The following MYLK3 variants were observed in gnomAD, a reference collection of about 807,000 sequenced individuals.
MYLK3 encodes myosin light chain kinase 3.
MYLK3 carries 55 observed loss-of-function variants against 76.3 expected under a neutral mutation model. That is an observed-to-expected ratio of 0.72 (90% CI 0.58 to 0.90). The LOEUF (loss-of-function observed/expected upper bound fraction) is 0.90, where lower values mean the gene tolerates loss of function less well. Among genes scored for constraint, MYLK3 ranks in the 40% least tolerant of loss-of-function variants. The pLI, the probability that MYLK3 is intolerant of heterozygous loss-of-function variation, is 0.00. For missense variants in MYLK3, 973 were observed against 1,053.6 expected, an observed-to-expected ratio of 0.92 and a Z score of 1.06; for synonymous variants, 416 against 425.4, an observed-to-expected ratio of 0.98 and a Z score of 0.27.
rs1966595934 is a variant in MYLK3, at chr16:46,703,447, C to T, written c.*4257G>A. The stretch of plus-strand genomic sequence containing the variant: ...TGGGAGAATGCCATTTTCCCCACAG[C>T]CTCACCAATTCTTCACCAATCTGAC... On this transcript the variant is annotated 3_prime_UTR_variant, in exon 13 of 13. Transcript: ENST00000394809. The T allele has an allele frequency of 6.6e-6, 1 of 152,176 alleles. No homozygotes were observed. Among genetic ancestry groups the T allele is most frequent in the Middle Eastern group, 3.2e-3 (1 of 316 alleles). 9.4% of individuals were successfully genotyped at this position (152,176 alleles called of 1,614,324 possible).
At chr16:46,722,685 C>A (rs1171135277) in intron 8 of MYLK3, among the ~76,000 whole-genome samples, 1 of 137,618 alleles carries the variant, frequency 7.3e-6, no homozygotes, top group Non-Finnish European at 1.5e-5. Flanking sequence ...ACAAATAATA[C>A]TGATTTTTAC....
intron 9 of MYLK3, among the ~76,000 whole-genome samples, chr16:46,716,497 A>ATGTG (rs869246629): frequency 0.025 from 544 of 21,634 alleles, 5 homozygotes; most frequent in African/African-American, 0.034. Flanking sequence ...GTGTATATAT[A>ATGTG]TGTGTGTGTG....
At chr16:46,730,917 A>G (rs888686705) in intron 4 of MYLK3, among the ~76,000 whole-genome samples, 1 of 152,256 alleles carries the variant, frequency 6.6e-6, no homozygotes. Flanking sequence ...CCCGGCACCC[A>G]GGACAGTGCC....
At chr16:46,726,718 AAAGAAAGAAAG>A (rs1435955355) in intron 8 of MYLK3, 11 of 148,876 alleles carry the variant, frequency 7.4e-5, no homozygotes, top group Admixed American at 6.7e-4. Context: ...AGAAAGAAAG[AAAGAAAGAAAG>A]AAAGAAAAGA....
At position 46,737,829 on chromosome 16, in the gene MYLK3, G is replaced by T. The variant is rs941919480; in HGVS notation, c.883C>A (p.Pro295Thr). The T allele has an allele frequency of 1.2e-6, 2 of 1,613,562 alleles. No individual in the cohort carries two copies. The highest frequency in any genetic ancestry group is 1.7e-6 in the Non-Finnish European group (2 of 1,180,026). ...GQGASSSRPD[P>T]EPLEEGTRLT... ...CTCGTGCCTTCCTCTAAGGGCTCAG[G>T]GTCAGGCCTGCTGGACGATGCTCCT... Residue 295 changes from proline to threonine, a missense_variant, in exon 3 of 13, where the codon CCT (proline) becomes ACT (threonine). By Grantham distance (38) the Pro-to-Thr change is conservative (BLOSUM62 -1). Around this residue, in one of 2 missense-constraint regions of MYLK3, gnomAD observed 641 missense variants for 637.0 expected, o/e 1.01. Coordinates refer to ENST00000394809, the MANE Select transcript of MYLK3 (RefSeq NM_182493.3).
At chr16:46,707,816 T>C in intron 12 of MYLK3, 53 bp from the exon 13 acceptor site, 2 of 1,358,538 alleles carry the variant, frequency 1.5e-6, no homozygotes, top group Admixed American at 1.8e-5. Context: ...TTTAGACCAG[T>C]TGCCTTATGA....
At chr16:46,748,395 C>T (rs992243951), upstream of MYLK3, 17 of 975,670 alleles carry the variant, frequency 1.7e-5, no homozygotes, top group Non-Finnish European at 2.3e-5. This position sits in a 1 kb window ranked among gnomAD's most constrained non-coding sequence, Gnocchi z 4.3. Flanking sequence ...TGCTTATCTC[C>T]CACCCTACAC....
intron 12 of MYLK3, among the ~76,000 whole-genome samples, chr16:46,708,219 T>A (rs1346830596): frequency 6.6e-6 from 1 of 152,142 alleles, no homozygotes; most frequent in Non-Finnish European, 1.5e-5. Flanking sequence ...TTACCCAGGT[T>A]TATCCTGCCC....
chr16:46,711,563 T>G, intron 10 of MYLK3: 1 of 342,762 alleles, frequency 2.9e-6, no homozygotes, highest in Non-Finnish European at 5.7e-6. Flanking sequence ...CAGGCTGGAG[T>G]GCTATGGTGC....
At position 46,747,971 on chromosome 16, in the gene MYLK3, G is replaced by C; in HGVS notation, c.223C>G (p.Pro75Ala). 6.2e-7 allele frequency: 1 copy of C among 1,613,242 alleles called. No homozygotes were observed. The highest frequency in any genetic ancestry group is 8.5e-7 in the Non-Finnish European group (1 of 1,179,824). ...TGGGGAACCCCATCAGCCCCGCCCG[G>C]GCCCGGTGCCCGGGAGGCCTCCAGC... ...HRLEASRAPG[P>A]GGADGVPHID... Residue 75 changes from proline to alanine, a missense_variant, in exon 1 of 13, where the codon CCG (proline) becomes GCG (alanine). Physicochemically the swap from Pro to Ala is conservative, Grantham distance 27. Around this residue, in one of 2 missense-constraint regions of MYLK3, gnomAD observed 641 missense variants for 637.0 expected, o/e 1.01. Transcript: ENST00000394809.
At position 46,705,068 on chromosome 16, in the gene MYLK3, T is replaced by A. The variant is rs1294351628; in HGVS notation, c.*2636A>T. 6.6e-6 allele frequency: 1 copy of A among 152,240 alleles called. No individual in the cohort carries two copies. Among genetic ancestry groups the A allele is most frequent in the Non-Finnish European group, 1.5e-5 (1 of 68,040 alleles). The allele number at this position is 152,240 out of a possible 1,614,324, so 9.4% of individuals were successfully genotyped here. ...TGTTAGTTCCCAACAAGGGTTAGCC[T>A]TCCAGAGGAAACTTAACAACTTGAG... On this transcript the variant is annotated 3_prime_UTR_variant, in exon 13 of 13. Coordinates refer to ENST00000394809, the MANE Select transcript of MYLK3 (RefSeq NM_182493.3).
intron 9 of MYLK3, 117 bp from the exon 10 acceptor site, chr16:46,712,893 G>A (rs1596746879): frequency 1.4e-5 from 14 of 1,001,616 alleles, no homozygotes; most frequent in South Asian, 2.4e-5. Flanking sequence ...ATATGGCCTG[G>A]ACTCCACACC....
chr16:46,710,623 G>A lies in MYLK3; in HGVS notation c.2267+14C>T. 1 of 1,613,938 alleles carries A rather than the reference G, an allele frequency of 6.2e-7. No homozygotes were observed. Among genetic ancestry groups the A allele is most frequent in the Non-Finnish European group, 8.5e-7 (1 of 1,180,008 alleles). On this transcript the variant is annotated intron_variant, in intron 11 of 12. Coordinates refer to ENST00000394809, the MANE Select transcript of MYLK3 (RefSeq NM_182493.3). ...CATCAGAAGGGCCCATGAGTGACAA[G>A]CAATGAAAGGTACCTCTTCTCTTTG...
rs535458087 is a variant in MYLK3, at chr16:46,733,211, T to A, written c.1002-543A>T. Among the ~76,000 whole-genome samples, 9 of 151,960 alleles carry A rather than the reference T, an allele frequency of 5.9e-5. No individual in the cohort carries two copies. The East Asian group carries it at 1.7e-3, about 30-fold the overall frequency. On this transcript the variant is annotated intron_variant, in intron 3 of 12. Coordinates refer to ENST00000394809, the MANE Select transcript of MYLK3 (RefSeq NM_182493.3). ...ACCCCACCTCTACAAAAAATAATTT[T>A]AAAAAACTTAGCCAGGAGTGGTGGT...
chr16:46,732,595 T>C lies in MYLK3; in HGVS notation c.1075A>G (p.Thr359Ala), dbSNP rs1474813309. 1 of 1,596,062 alleles carries C rather than the reference T, an allele frequency of 6.3e-7. No homozygotes were observed. The highest frequency in any genetic ancestry group is 1.3e-5 in the African/African-American group (1 of 74,960). ...GCTGCTGGAGCCTCTGTGGTGAGGGTGGGTCCAAGGCTGCCCCTGCCTGTC... is the reference window on the plus strand; with the variant it reads ...GCTGCTGGAGCCTCTGTGGTGAGGGCGGGTCCAAGGCTGCCCCTGCCTGTC... ...LMTGRGSLGP[T>A]LTTEAPAAAQ... Residue 359 changes from threonine to alanine, a missense_variant, in exon 4 of 13, where the codon ACC (threonine) becomes GCC (alanine). By Grantham distance (58) the Thr-to-Ala change is moderately conservative. Around this residue, in one of 2 missense-constraint regions of MYLK3, gnomAD observed 641 missense variants for 637.0 expected, o/e 1.01. Coordinates refer to ENST00000394809, the MANE Select transcript of MYLK3 (RefSeq NM_182493.3).
At chr16:46,746,205 T>C (rs1037806766) in intron 1 of MYLK3, among the ~76,000 whole-genome samples, 1 of 152,084 alleles carries the variant, frequency 6.6e-6, no homozygotes, top group African/African-American at 2.4e-5. Context: ...AGATTACTTA[T>C]AATACCTAAT....
chr16:46,747,276 G>A, intron 1 of MYLK3, among the ~76,000 whole-genome samples: 1 of 152,190 alleles, frequency 6.6e-6, no homozygotes, highest in East Asian at 1.9e-4. Flanking sequence ...CACTCCCTCT[G>A]GAGCTAAGCT....
intron 8 of MYLK3, 23 bp downstream of exon 8, chr16:46,727,213 C>T (rs751526828): frequency 5.6e-6 from 9 of 1,607,386 alleles, no homozygotes; most frequent in South Asian, 2.2e-5. Context: ...GGGCCCCTAC[C>T]GCATGCCCAG....
At chr16:46,721,506 TC>T (rs1193866594) in intron 8 of MYLK3, among the ~76,000 whole-genome samples, 17 of 152,116 alleles carry the variant, frequency 1.1e-4, no homozygotes, top group Non-Finnish European at 2.4e-4. Context: ...AGCCGGGAAT[TC>T]AGGGGTGTTT....
Sources: gnomAD v4.1 joint callset for allele counts (sites outside exome capture counted in the v4.1 genomes callset) on GRCh38, gnomAD v4.1.1 for gene constraint, gnomAD v4.1.1 regional missense constraint, Gnocchi (gnomAD v3.1) non-coding constraint, MANE v1.5 for transcripts, NCBI Gene and HGNC (gene_info 2026-07-23, HGNC 2026-07-21) for gene names.